Variants in ATP6V1C2 observed in about 807,000 individuals in gnomAD.
ATP6V1C2 encodes the protein ATPase H+ transporting V1 subunit C2.
A neutral mutation model predicts 56.8 loss-of-function variants in ATP6V1C2; 45 were observed. That is an observed-to-expected ratio of 0.79 (90% CI 0.62 to 1.02). The LOEUF (loss-of-function observed/expected upper bound fraction) is 1.02, where lower values mean the gene tolerates loss of function less well. ATP6V1C2 is among the 50% of genes least tolerant of loss of function. The pLI, the probability that ATP6V1C2 is intolerant of heterozygous loss-of-function variation, is 0.00. For synonymous variants in ATP6V1C2, 220 were observed against 201.3 expected, an observed-to-expected ratio of 1.09 and a Z score of -0.79; for missense variants, 463 against 519.7, an observed-to-expected ratio of 0.89 and a Z score of 1.06.
intron 3 of ATP6V1C2, among the ~76,000 whole-genome samples, chr2:10,746,852 T>C (rs11683190): frequency 0.049 from 7,446 of 152,338 alleles, 583 homozygotes; most frequent in African/African-American, 0.17. Flanking sequence ...TGGTTTCTTT[T>C]CTTTTAGGAT....
chr2:10,779,010 C>T (rs1372263112), intron 12 of ATP6V1C2, among the ~76,000 whole-genome samples: 4 of 152,142 alleles, frequency 2.6e-5, no homozygotes, highest in Admixed American at 6.5e-5. Context: ...AAGGCGCTCT[C>T]GGGCTGCCTC....
intron 3 of ATP6V1C2, among the ~76,000 whole-genome samples, chr2:10,747,701 CAA>C (rs34222737): frequency 1.4e-5 from 2 of 142,856 alleles, no homozygotes; most frequent in African/African-American, 2.5e-5. Context: ...CTCTTTGAAA[CAA>C]AAAAAAAAAG....
intron 4 of ATP6V1C2, among the ~76,000 whole-genome samples, chr2:10,760,030 G>GTTTTTTTTTTTTTT (rs34096158): frequency 1.5e-5 from 2 of 133,842 alleles, no homozygotes; most frequent in Non-Finnish European, 3.2e-5. Context: ...TTTGTTTTTT[G>GTTTTTTTTTTTTTT]TTTTTTTTTT....
In ATP6V1C2 at chr2:10,761,138, C is replaced by T. The variant is rs533596774; in HGVS notation, c.284-3193C>T. Among the ~76,000 whole-genome samples, 5 of 152,160 alleles carry T rather than the reference C, an allele frequency of 3.3e-5. No homozygotes were observed. The South Asian group carries it at 6.2e-4, about 19-fold the overall frequency. On this transcript the variant is annotated intron_variant, in intron 4 of 13. Transcript: ENST00000272238. Reference sequence around the variant, plus strand: ...AAGGAGTTGGTCTTTGCCTGTCCTACGTGTTGAAGGACAGAGGTACTGTGA... The same window carrying T: ...AAGGAGTTGGTCTTTGCCTGTCCTATGTGTTGAAGGACAGAGGTACTGTGA...
chr2:10,777,874 T>G, intron 11 of ATP6V1C2, 152 bp downstream of exon 11: 1 of 1,033,830 alleles, frequency 9.7e-7, no homozygotes, highest in Non-Finnish European at 1.3e-6. Context: ...GCCTTCCTCC[T>G]AATCTGCAGG....
In ATP6V1C2 at chr2:10,768,714, A is replaced by G. The variant is rs747443718; in HGVS notation, c.379-5A>G. 1 of 1,613,908 alleles carries G rather than the reference A, an allele frequency of 6.2e-7. No homozygotes were observed. Among genetic ancestry groups the G allele is most frequent in the South Asian group, 1.1e-5 (1 of 91,082 alleles). Reference sequence around the variant, plus strand: ...TCACCTGGAGCTTTTGCTTTCCCAAAACAGCAACTGGCGCAGATCGAGATG... The same window carrying G: ...TCACCTGGAGCTTTTGCTTTCCCAAGACAGCAACTGGCGCAGATCGAGATG... On this transcript the variant is annotated splice_polypyrimidine_tract_variant and splice_region_variant and intron_variant, in intron 5 of 13. Transcript: ENST00000272238.
intron 6 of ATP6V1C2, among the ~76,000 whole-genome samples, chr2:10,770,629 G>C (rs1378011948): frequency 6.6e-6 from 1 of 152,266 alleles, no homozygotes; most frequent in East Asian, 1.9e-4. Context: ...GTTGGGACTT[G>C]TGCAAACATC....
intron 4 of ATP6V1C2, among the ~76,000 whole-genome samples, chr2:10,761,919 G>T (rs941772041): frequency 6.6e-6 from 1 of 152,230 alleles, no homozygotes; most frequent in Non-Finnish European, 1.5e-5. Context: ...GGCCTAGAAG[G>T]TGTCTGAGTT....
intron 2 of ATP6V1C2, among the ~76,000 whole-genome samples, chr2:10,724,094 T>TA (rs1290913404): frequency 6.6e-6 from 1 of 152,108 alleles, no homozygotes; most frequent in Non-Finnish European, 1.5e-5. Flanking sequence ...AGAGTGGACT[T>TA]ACCGTGGTGC....
chr2:10,768,688 G>C, intron 5 of ATP6V1C2, 31 bp from the exon 6 acceptor site: 1 of 1,600,288 alleles, frequency 6.2e-7, no homozygotes, highest in Non-Finnish European at 8.6e-7. Flanking sequence ...AATGCTCAGG[G>C]TCACCTGGAG....
rs1481429843 is a variant in ATP6V1C2, at chr2:10,784,793, G to A, written c.*1530G>A. The A allele has an allele frequency of 4.8e-6, 3 of 621,224 alleles. No individual in the cohort carries two copies. The highest frequency in any genetic ancestry group is 5.7e-6 in the Non-Finnish European group (2 of 349,578). 38.5% of individuals were successfully genotyped at this position (621,224 alleles called of 1,614,324 possible). A position where few individuals can be genotyped will look rare whatever the true frequency, so the allele number is the denominator to read the frequency against. Reference sequence around the variant, plus strand: ...TGATAAGGAAGATGAAGGGTCTTCAGAGAAGAACCTCTTAAAAGGCCCACG... The same window carrying A: ...TGATAAGGAAGATGAAGGGTCTTCAAAGAAGAACCTCTTAAAAGGCCCACG... On this transcript the variant is annotated 3_prime_UTR_variant, in exon 14 of 14. Transcript: ENST00000272238.
intron 6 of ATP6V1C2, among the ~76,000 whole-genome samples, chr2:10,770,507 G>A (rs1664529470): frequency 6.6e-6 from 1 of 152,328 alleles, no homozygotes; most frequent in African/African-American, 2.4e-5. Flanking sequence ...CCGGGCGCCG[G>A]GGCAGAGAGC....
intron 3 of ATP6V1C2, among the ~76,000 whole-genome samples, chr2:10,735,491 C>T (rs1321308992): frequency 6.6e-6 from 1 of 152,144 alleles, no homozygotes; most frequent in Non-Finnish European, 1.5e-5. Flanking sequence ...TTTTTAATTA[C>T]CCACGTGGCT....
chr2:10,774,837 C>A lies in ATP6V1C2; in HGVS notation c.688C>A (p.Arg230=). The change falls in exon 9 of 14, where the codon CGA becomes AGA. Residue 230 remains arginine (R), a synonymous_variant. Coordinates refer to ENST00000272238, the MANE Select transcript of ATP6V1C2 (RefSeq NM_001039362.2). ...GGGCCTTTTCACTGTGACTCTGTTT[C>A]GAAAAGTGATTGAAGATTTCAAAAC... The part of the protein sequence containing the change: ...EGGLFTVTLF[R]KVIEDFKTKA... 6.2e-7 allele frequency: 1 copy of A among 1,614,136 alleles called. No homozygotes were observed. Among genetic ancestry groups the A allele is most frequent in the Non-Finnish European group, 8.5e-7 (1 of 1,180,018 alleles).
Position 10,783,955 on chromosome 2 carries a change from C to T in ATP6V1C2, c.*692C>T, listed in dbSNP as rs967557022. On this transcript the variant is annotated 3_prime_UTR_variant, in exon 14 of 14. Coordinates refer to ENST00000272238, the MANE Select transcript of ATP6V1C2 (RefSeq NM_001039362.2). ...AAAAAAACCCATACATAAGAAACAG[C>T]CTCCAAGAACATTCAAGCAGCAGTC... 2.6e-5 allele frequency: 6 copies of T among 229,344 alleles called. No homozygotes were observed. The highest frequency in any genetic ancestry group is 5.0e-5 in the Non-Finnish European group (6 of 119,132). The allele number at this position is 229,344 out of a possible 1,614,324, so 14.2% of individuals were successfully genotyped here. A position where few individuals can be genotyped will look rare whatever the true frequency, so the allele number is the denominator to read the frequency against.
chr2:10,774,770 G>T lies in ATP6V1C2; in HGVS notation c.639-18G>T. ...GGCCTAGCAGTGAGTCCAGCCAACA[G>T]ATGCTTCTCTCCAACAGACTCATTA... On this transcript the variant is annotated intron_variant, in intron 8 of 13. Transcript: ENST00000272238. 6.2e-7 allele frequency: 1 copy of T among 1,610,788 alleles called. No individual in the cohort carries two copies. Among genetic ancestry groups the T allele is most frequent in the Middle Eastern group, 1.7e-4 (1 of 6,052 alleles).
At chr2:10,751,797 G>A (rs557904157) in intron 3 of ATP6V1C2, among the ~76,000 whole-genome samples, 1 of 152,240 alleles carries the variant, frequency 6.6e-6, no homozygotes, top group Non-Finnish European at 1.5e-5. Flanking sequence ...AATAATAGGT[G>A]ATATCAAAAG....
At chr2:10,747,663 C>G (rs145591907) in intron 3 of ATP6V1C2, among the ~76,000 whole-genome samples, 1 of 151,666 alleles carries the variant, frequency 6.6e-6, no homozygotes, top group East Asian at 1.9e-4. Context: ...AGTTTGAGAC[C>G]AGTCTGGACC....
intron 3 of ATP6V1C2, among the ~76,000 whole-genome samples, chr2:10,742,201 C>A (rs1287167961): frequency 6.6e-6 from 1 of 152,142 alleles, no homozygotes; most frequent in South Asian, 2.1e-4. Flanking sequence ...TGAGTCACCA[C>A]GCTGGCCTTT....
Sources: gnomAD v4.1 joint callset for allele counts (sites outside exome capture counted in the v4.1 genomes callset) on GRCh38, gnomAD v4.1.1 for gene constraint, MANE v1.5 for transcripts, NCBI Gene and HGNC (gene_info 2026-07-23, HGNC 2026-07-21) for gene names.